LMX1B: variants seen among roughly 807,000 people sequenced by gnomAD.
The protein encoded by LMX1B is LIM homeobox transcription factor 1 beta.
In LMX1B, 12 loss-of-function variants were observed where a neutral mutation model predicts 51.4. The observed-to-expected ratio is 0.23, with a 90% confidence interval of 0.15 to 0.38. LMX1B has a LOEUF of 0.38. Among genes scored for constraint, LMX1B ranks in the 10% least tolerant of loss-of-function variants. The pLI, the probability that LMX1B is intolerant of heterozygous loss-of-function variation, is 1.00. For missense variants in LMX1B, 445 were observed against 571.1 expected (o/e 0.78, Z 2.25); for synonymous variants, 237 against 235.4 (o/e 1.01, Z -0.06).
At chr9:126,642,623 C>G (rs540330438) in intron 2 of LMX1B, among the ~76,000 whole-genome samples, 1 of 152,228 alleles carries the variant, frequency 6.6e-6, no homozygotes, top group South Asian at 2.1e-4. Context: ...GCCACCGTCT[C>G]CCTCACTGCA....
At chr9:126,688,741 C>T (rs1030015108) in intron 2 of LMX1B, among the ~76,000 whole-genome samples, 1 of 152,202 alleles carries the variant, frequency 6.6e-6, no homozygotes, top group Non-Finnish European at 1.5e-5. Context: ...ATTCCCCTTG[C>T]AGAGCCATGC....
In LMX1B at chr9:126,654,636, G is replaced by A. The variant is rs2118908918; in HGVS notation, c.327-36200G>A. Among the ~76,000 whole-genome samples, 2 of 152,310 alleles carry A rather than the reference G, an allele frequency of 1.3e-5. 1 individual carries two copies. The highest frequency in any genetic ancestry group is 3.9e-4 in the East Asian group (2 of 5,184). On this transcript the variant is annotated intron_variant, in intron 2 of 7. Transcript: ENST00000373474. ...TCCCAGAATGGAGCCTTCCCCATGTGCCCTCTGTCTTCTCCCAGTGACTCC... is the reference window on the plus strand; with the variant it reads ...TCCCAGAATGGAGCCTTCCCCATGTACCCTCTGTCTTCTCCCAGTGACTCC...
chr9:126,615,489 G>A lies in LMX1B; in HGVS notation c.246G>A (p.Gln82=). ...CGTCCTGGCACGAGGAGTGTTTGCAGTGCGCGGCGTGTCAGCAAGCCCTCA... is the reference window on the plus strand; with the variant it reads ...CGTCCTGGCACGAGGAGTGTTTGCAATGCGCGGCGTGTCAGCAAGCCCTCA... ...NESSWHEECL[Q]CAACQQALTT... The change falls in exon 2 of 8, where the codon CAG becomes CAA. Residue 82 remains glutamine (Q), a synonymous_variant. Transcript: ENST00000373474. This position sits in a 1 kb window ranked among gnomAD's most constrained non-coding sequence, Gnocchi z 6.0. 6.2e-7 allele frequency: 1 copy of A among 1,611,736 alleles called. No individual in the cohort carries two copies. The highest frequency in any genetic ancestry group is 8.5e-7 in the Non-Finnish European group (1 of 1,178,818).
chr9:126,650,795 G>A (rs188501792), intron 2 of LMX1B, among the ~76,000 whole-genome samples: 24 of 152,328 alleles, frequency 1.6e-4, no homozygotes, highest in Middle Eastern at 3.4e-3. Flanking sequence ...TGCCCTGGGC[G>A]GCCCTCGGCA....
At chr9:126,651,093 G>A (rs1835995489) in intron 2 of LMX1B, among the ~76,000 whole-genome samples, 1 of 151,892 alleles carries the variant, frequency 6.6e-6, no homozygotes, top group Non-Finnish European at 1.5e-5. Flanking sequence ...GGGGCTCCAG[G>A]GTGGAGGAGA....
chr9:126,652,311 T>C (rs1836034128), intron 2 of LMX1B, among the ~76,000 whole-genome samples: 2 of 151,372 alleles, frequency 1.3e-5, no homozygotes, highest in Non-Finnish European at 3.0e-5. Context: ...GGGGGGATTT[T>C]CTCTTTCTTC....
chr9:126,678,176 G>T (rs1325592981), intron 2 of LMX1B, among the ~76,000 whole-genome samples: 1 of 152,078 alleles, frequency 6.6e-6, no homozygotes, highest in African/African-American at 2.4e-5. Flanking sequence ...GCTGGGTGGT[G>T]GCCCGCGCCT....
rs142573430 is a variant in LMX1B at position 126,649,159 on chromosome 9, C to T, written c.326+33590C>T. Among the ~76,000 whole-genome samples, 959 of 152,144 alleles carry T rather than the reference C, an allele frequency of 6.3e-3. 13 individuals are homozygous for T. The highest frequency in any genetic ancestry group is 0.022 in the African/African-American group (895 of 41,472). The stretch of plus-strand genomic sequence containing the variant: ...TCACTCAAATCTGTCCCCTTCTCTC[C>T]GTCCCCTTCACCTCCCCTATCCCAG... On this transcript the variant is annotated intron_variant, in intron 2 of 7. Transcript: ENST00000373474.
chr9:126,669,432 G>C (rs1312788888), intron 2 of LMX1B, among the ~76,000 whole-genome samples: 1 of 152,162 alleles, frequency 6.6e-6, no homozygotes, highest in Non-Finnish European at 1.5e-5. Flanking sequence ...GTTTCCTTCG[G>C]GTCTGCATTG....
chr9:126,662,759 C>T (rs746761795), intron 2 of LMX1B, among the ~76,000 whole-genome samples: 2 of 152,240 alleles, frequency 1.3e-5, no homozygotes, highest in Non-Finnish European at 2.9e-5. Context: ...ACGAGAGCGG[C>T]CACCGCTGCC....
At chr9:126,619,313 C>T (rs1835365397) in intron 2 of LMX1B, among the ~76,000 whole-genome samples, 1 of 152,198 alleles carries the variant, frequency 6.6e-6, no homozygotes. Flanking sequence ...CTCCCGCGTT[C>T]GGGTGTGGCC....
chr9:126,619,135 C>G (rs1835361056), intron 2 of LMX1B, among the ~76,000 whole-genome samples: 1 of 152,234 alleles, frequency 6.6e-6, no homozygotes, highest in Admixed American at 6.5e-5. Context: ...TTGAGTTTCA[C>G]AGAAAGCCCT....
At chr9:126,670,913 A>G (rs1836438155) in intron 2 of LMX1B, among the ~76,000 whole-genome samples, 1 of 152,206 alleles carries the variant, frequency 6.6e-6, no homozygotes, top group Non-Finnish European at 1.5e-5. Context: ...GTCACAGGTG[A>G]ATTATCATGG....
intron 2 of LMX1B, among the ~76,000 whole-genome samples, chr9:126,657,355 C>T (rs748119240): frequency 5.3e-5 from 8 of 152,202 alleles, no homozygotes; most frequent in Non-Finnish European, 8.8e-5. Flanking sequence ...TCTGATATGA[C>T]GCACAAAATG....
chr9:126,665,165 G>A (rs191579726), intron 2 of LMX1B, among the ~76,000 whole-genome samples: 6 of 152,288 alleles, frequency 3.9e-5, no homozygotes, highest in Admixed American at 1.3e-4. Flanking sequence ...CCATGCCTTC[G>A]CGCCTCTCTG....
intron 2 of LMX1B, among the ~76,000 whole-genome samples, chr9:126,659,633 G>A (rs1459642962): frequency 6.6e-6 from 1 of 152,066 alleles, no homozygotes; most frequent in Non-Finnish European, 1.5e-5. Flanking sequence ...TCCTGTGTGT[G>A]TGTCTATACT....
intron 2 of LMX1B, among the ~76,000 whole-genome samples, chr9:126,675,975 G>C (rs1836550737): frequency 6.7e-6 from 1 of 150,176 alleles, no homozygotes; most frequent in Non-Finnish European, 1.5e-5. Flanking sequence ...CGTGAACCCG[G>C]GAGGCGGAGC....
Position 126,693,213 on chromosome 9 carries a change from G to T in LMX1B, c.631G>T (p.Asp211Tyr). Residue 211 changes from aspartate (D) to tyrosine (Y), a missense_variant, in exon 4 of 8, where the codon GAT (aspartate) becomes TAT (tyrosine). Asp to Tyr is a radical substitution (Grantham distance 160, BLOSUM62 -3). Transcript: ENST00000373474. ...GGGCAGTCAGAGCAAGGGCAGCGGGGATGACGGGAAGGACCCGCGGAGGCC... is the reference window on the plus strand; with the variant it reads ...GGGCAGTCAGAGCAAGGGCAGCGGGTATGACGGGAAGGACCCGCGGAGGCC... Reference protein sequence around the residue: ...GQGSQSKGSGDDGKDPRRPKR... With the variant: ...GQGSQSKGSGYDGKDPRRPKR... The T allele has an allele frequency of 6.2e-7, 1 of 1,609,648 alleles. No homozygotes were observed. Among genetic ancestry groups the T allele is most frequent in the East Asian group, 2.2e-5 (1 of 44,704 alleles).
chr9:126,696,491 G>T lies in LMX1B; in HGVS notation c.*40G>T, dbSNP rs374778848. ...CACGGACGCTTGGGCAGGGGCCTGG[G>T]GGGGACTGCCAGCCTCTGCGGCCAG... On this transcript the variant is annotated 3_prime_UTR_variant, in exon 8 of 8. Transcript: ENST00000373474. The T allele has an allele frequency of 1.1e-5, 17 of 1,610,948 alleles. No homozygotes were observed. In the East Asian group the frequency reaches 2.2e-4, roughly 21 times the overall value.
Sources: gnomAD v4.1 joint callset for allele counts (sites outside exome capture counted in the v4.1 genomes callset) on GRCh38, gnomAD v4.1.1 for gene constraint, Gnocchi (gnomAD v3.1) non-coding constraint, MANE v1.5 for transcripts, NCBI Gene and HGNC (gene_info 2026-07-23, HGNC 2026-07-21) for gene names.